Variants in WASHC4 observed in about 807,000 individuals in gnomAD.
WASHC4 encodes the protein WASH complex subunit 4.
A neutral mutation model predicts 166.6 loss-of-function variants in WASHC4; 86 were observed. The ratio of observed to expected loss-of-function variants is 0.52; its 90% CI spans 0.43 to 0.62. The LOEUF is 0.62. Ranked by LOEUF, WASHC4 falls within the 20% of genes least tolerant of loss-of-function variation. The pLI, the probability that WASHC4 is intolerant of heterozygous loss-of-function variation, is 0.00. For missense variants in WASHC4, 1,262 were observed against 1,382.4 expected (o/e 0.91, Z 1.38); for synonymous variants, 446 against 451.6 (o/e 0.99, Z 0.16).
chr12:105,140,370 A>C lies in WASHC4; in HGVS notation c.1529A>C (p.His510Pro). 6.2e-7 allele frequency: 1 copy of C among 1,613,602 alleles called. No homozygotes were observed. The highest frequency in any genetic ancestry group is 8.5e-7 in the Non-Finnish European group (1 of 1,179,512). ...TCACATATAACACAGCACCTTCAACATCAGGCTCTTCATTCTATTTCTGTG... is the reference window on the plus strand; with the variant it reads ...TCACATATAACACAGCACCTTCAACCTCAGGCTCTTCATTCTATTTCTGTG... The part of the protein sequence containing the change: ...SVSHITQHLQ[H>P]QALHSISVAK... Residue 510 changes from histidine to proline, a missense_variant, in exon 16 of 33, where the codon CAT becomes CCT. Coordinates refer to ENST00000332180, the MANE Select transcript of WASHC4 (RefSeq NM_015275.3).
In WASHC4 at chr12:105,112,549, G is replaced by C. The variant is rs529948269; in HGVS notation, c.201+1285G>C. ...TTACATTACTACCAGCACTGCATGA[G>C]GGTTCCAGTTTCTCTACATCCTTGC... On this transcript the variant is annotated intron_variant, in intron 2 of 32. Transcript: ENST00000332180. Among the ~76,000 whole-genome samples the C allele has an allele frequency of 4.1e-3, 618 of 152,216 alleles. 2 individuals are homozygous for C. Among genetic ancestry groups the C allele is most frequent in the African/African-American group, 0.014 (575 of 41,554 alleles).
At chr12:105,109,785 A>AT (rs1879483356) in intron 1 of WASHC4, among the ~76,000 whole-genome samples, 1 of 148,670 alleles carries the variant, frequency 6.7e-6, no homozygotes, top group African/African-American at 2.5e-5. Flanking sequence ...TAGCTGGCTG[A>AT]TTTTTTCTTT....
chr12:105,164,535 A>G, intron 31 of WASHC4, 106 bp from the exon 32 acceptor site: 2 of 897,390 alleles, frequency 2.2e-6, no homozygotes, highest in Non-Finnish European at 3.5e-6. Flanking sequence ...GATTTCCACT[A>G]GAGCTTTTAA....
chr12:105,135,007 T>A (rs1380556976), intron 14 of WASHC4, among the ~76,000 whole-genome samples: 1 of 151,988 alleles, frequency 6.6e-6, no homozygotes, highest in African/African-American at 2.4e-5. Flanking sequence ...CATTTTAAGA[T>A]GTATCGTTTG....
chr12:105,156,899 T>C (rs1025657311), intron 27 of WASHC4, 107 bp downstream of exon 27: 16 of 873,232 alleles, frequency 1.8e-5, no homozygotes, highest in African/African-American at 6.6e-5. Context: ...GTTCTTGATA[T>C]ATTTTGAGAT....
chr12:105,113,502 C>T (rs896589591), intron 2 of WASHC4, among the ~76,000 whole-genome samples: 9 of 151,954 alleles, frequency 5.9e-5, no homozygotes, highest in African/African-American at 2.2e-4. Context: ...TATTATTGGG[C>T]AGTTATTTTA....
intron 10 of WASHC4, 115 bp from the exon 11 acceptor site, chr12:105,125,889 A>G: frequency 9.6e-7 from 1 of 1,037,402 alleles, no homozygotes; most frequent in Non-Finnish European, 1.4e-6. Flanking sequence ...GTTTTAGTAA[A>G]ATTTAAATGA....
chr12:105,120,052 C>T (rs530923959), intron 7 of WASHC4, among the ~76,000 whole-genome samples: 20 of 151,986 alleles, frequency 1.3e-4, no homozygotes, highest in South Asian at 1.2e-3. Flanking sequence ...GGCAATATAG[C>T]GAGACCCCCT....
intron 22 of WASHC4, among the ~76,000 whole-genome samples, chr12:105,145,409 CTCTT>C (rs1883213134): frequency 6.6e-6 from 1 of 151,940 alleles, no homozygotes; most frequent in South Asian, 2.1e-4. Flanking sequence ...GCGTGGAGTT[CTCTT>C]TAAGATGATC....
chr12:105,139,425 GTATATATATATATATATATA>G (rs71069791), intron 15 of WASHC4, among the ~76,000 whole-genome samples: 14 of 103,228 alleles, frequency 1.4e-4, no homozygotes, highest in East Asian at 5.5e-4. Context: ...ATGTGTGTGT[GTATATATATATATATATATA>G]TATATATATA....
At chr12:105,159,975 G>A (rs922100590) in intron 28 of WASHC4, 26 bp from the exon 29 acceptor site, 38 of 1,610,758 alleles carry the variant, frequency 2.4e-5, no homozygotes, top group Non-Finnish European at 3.1e-5. Flanking sequence ...TTTGAGAAAG[G>A]AACCAAATAA....
chr12:105,127,816 CTT>C lies in WASHC4; in HGVS notation c.1199+529_1199+530del, dbSNP rs963818982. 4.6e-5 allele frequency among the ~76,000 whole-genome samples: 7 copies of C among 152,184 alleles called. No homozygotes were observed. In the South Asian group the frequency reaches 1.0e-3, roughly 23 times the overall value. The stretch of plus-strand genomic sequence containing the variant: ...GCTCTCCAAAGGCACACTTTTAACT[CTT>C]TGTTTCTTCTTTTTTTTACATCCTT... On this transcript the variant is annotated intron_variant, in intron 13 of 32. Transcript: ENST00000332180.
chr12:105,136,717 A>G (rs1882357222), intron 14 of WASHC4, among the ~76,000 whole-genome samples: 2 of 152,034 alleles, frequency 1.3e-5, no homozygotes, highest in Admixed American at 1.3e-4. Context: ...GTCTGATGTA[A>G]TAGTCTTGCA....
intron 12 of WASHC4, among the ~76,000 whole-genome samples, 190 bp downstream of exon 12, chr12:105,126,552 A>G (rs1046147348): frequency 6.6e-6 from 1 of 152,046 alleles, no homozygotes; most frequent in Admixed American, 6.5e-5. Context: ...TCATATTACT[A>G]CATATTGGTA....
At chr12:105,161,177 A>G (rs951761541) in intron 29 of WASHC4, among the ~76,000 whole-genome samples, 2 of 152,170 alleles carry the variant, frequency 1.3e-5, no homozygotes. Flanking sequence ...GACTTTTCAT[A>G]TTGCTGCCCA....
chr12:105,128,660 A>C (rs1455554123), intron 13 of WASHC4, among the ~76,000 whole-genome samples: 1 of 152,260 alleles, frequency 6.6e-6, no homozygotes, highest in African/African-American at 2.4e-5. Context: ...TGGTAAGTAT[A>C]TAATGCAAAT....
chr12:105,135,297 AT>A (rs1344347616), intron 14 of WASHC4, among the ~76,000 whole-genome samples: 6 of 151,738 alleles, frequency 4.0e-5, no homozygotes, highest in African/African-American at 1.4e-4. Context: ...ACCTGCTAGT[AT>A]TTCATTAATA....
At chr12:105,135,102 C>A (rs1882195096) in intron 14 of WASHC4, among the ~76,000 whole-genome samples, 1 of 151,996 alleles carries the variant, frequency 6.6e-6, no homozygotes, top group Middle Eastern at 3.4e-3. Flanking sequence ...CTATTTATCT[C>A]CCTCTCATCT....
At position 105,118,454 on chromosome 12, in the gene WASHC4, T is replaced by C; in HGVS notation, c.444T>C (p.Ser148=). 1 of 1,612,304 alleles carries C rather than the reference T, an allele frequency of 6.2e-7. No individual in the cohort carries two copies. Among genetic ancestry groups the C allele is most frequent in the Non-Finnish European group, 8.5e-7 (1 of 1,178,296 alleles). Reference sequence around the variant, plus strand: ...CCACCTTCTCGTTTCAGGAACTGTCTTGCTTTGTTACGAGGTGCTATGAAG... The same window carrying C: ...CCACCTTCTCGTTTCAGGAACTGTCCTGCTTTGTTACGAGGTGCTATGAAG... The part of the protein sequence containing the change: ...GRFISFLQEL[S]CFVTRCYEVV... The change falls in exon 7 of 33, where the codon TCT becomes TCC. Residue 148 remains serine (S), a synonymous_variant. Coordinates refer to ENST00000332180, the MANE Select transcript of WASHC4 (RefSeq NM_015275.3).
Sources: gnomAD v4.1 joint callset for allele counts (sites outside exome capture counted in the v4.1 genomes callset) on GRCh38, gnomAD v4.1.1 for gene constraint, MANE v1.5 for transcripts, NCBI Gene and HGNC (gene_info 2026-07-23, HGNC 2026-07-21) for gene names.